TENM2: variants seen among roughly 807,000 people sequenced by gnomAD.
TENM2 encodes teneurin-2.
In TENM2, 52 loss-of-function variants were observed where a neutral mutation model predicts 245.2. That is an observed-to-expected ratio of 0.21 (90% CI 0.17 to 0.27). The LOEUF (loss-of-function observed/expected upper bound fraction) is 0.27. Among genes scored for constraint, TENM2 ranks in the 10% least tolerant of loss-of-function variants. The probability of loss-of-function intolerance (pLI) is 1.00; values close to 1 mark genes in which losing one functional copy is unlikely to be tolerated. For synonymous variants in TENM2, 1,363 were observed against 1,438.9 expected, an observed-to-expected ratio of 0.95 and a Z score of 1.19; for missense variants, 3,046 against 3,666.8, an observed-to-expected ratio of 0.83 and a Z score of 4.37.
At chr5:167,627,716 C>A (rs1778602731) in intron 2 of TENM2, among the ~76,000 whole-genome samples, 1 of 152,022 alleles carries the variant, frequency 6.6e-6, no homozygotes, top group Non-Finnish European at 1.5e-5. Context: ...CACCGCCATG[C>A]CAGGCTAATT....
chr5:167,030,079 C>T, the TENM2 span, among the ~76,000 whole-genome samples: 1 of 152,192 alleles, frequency 6.6e-6, no homozygotes, highest in Non-Finnish European at 1.5e-5. Context: ...GACCAAACAT[C>T]CTAGGTAATC....
chr5:167,392,833 A>G (rs1002515380), intron 2 of TENM2, among the ~76,000 whole-genome samples: 3 of 152,164 alleles, frequency 2.0e-5, no homozygotes, highest in Non-Finnish European at 4.4e-5. Context: ...TTGGGCATCT[A>G]TTGTCTATTA....
At chr5:167,574,731 G>T (rs998970744) in intron 2 of TENM2, among the ~76,000 whole-genome samples, 2 of 152,154 alleles carry the variant, frequency 1.3e-5, no homozygotes, top group Non-Finnish European at 2.9e-5. Context: ...AACCTTTCTG[G>T]ATTCTAAGCG....
intron 1 of TENM2, among the ~76,000 whole-genome samples, chr5:167,348,382 C>A (rs929956220): frequency 1.3e-5 from 2 of 151,974 alleles, no homozygotes; most frequent in African/African-American, 2.4e-5. Flanking sequence ...GCTAATAGAC[C>A]GACTGAGTAG....
At chr5:167,023,935 T>C in the TENM2 span, among the ~76,000 whole-genome samples, 2 of 152,214 alleles carry the variant, frequency 1.3e-5, no homozygotes, top group Admixed American at 1.3e-4. Context: ...TAAGAAGGCT[T>C]GCTAATGGAA....
chr5:168,240,561 G>T (rs1765992042), intron 25 of TENM2, among the ~76,000 whole-genome samples: 1 of 152,156 alleles, frequency 6.6e-6, no homozygotes, highest in South Asian at 2.1e-4. Context: ...CAAGGGCAAT[G>T]CTGAGAATAA....
intron 2 of TENM2, among the ~76,000 whole-genome samples, chr5:167,757,496 G>T (rs1250372629): frequency 6.6e-6 from 1 of 152,082 alleles, no homozygotes; most frequent in African/African-American, 2.4e-5. Context: ...TATCATCGAT[G>T]GGCATTTGGG....
Position 167,403,538 on chromosome 5 carries a change from G to A in TENM2, c.502+28065G>A, listed in dbSNP as rs189640702. ...AGGTCTTCATGCCTTCTACCTGAAC[G>A]TATGGGTCATGGTAGATAGACAGAA... On this transcript the variant is annotated intron_variant, in intron 2 of 28. Transcript: ENST00000518659. Among the ~76,000 whole-genome samples the A allele has an allele frequency of 5.3e-5, 8 of 152,162 alleles. No individual in the cohort carries two copies. In the East Asian group the frequency reaches 7.7e-4, roughly 15 times the overall value.
intron 7 of TENM2, among the ~76,000 whole-genome samples, chr5:168,077,696 C>T (rs928679984): frequency 7.2e-5 from 11 of 152,156 alleles, no homozygotes; most frequent in South Asian, 4.2e-4. Flanking sequence ...TCTGTCCTTG[C>T]GATAGTTTGC....
intron 2 of TENM2, among the ~76,000 whole-genome samples, chr5:167,787,628 C>A (rs941344557): frequency 6.6e-6 from 1 of 152,198 alleles, no homozygotes; most frequent in East Asian, 1.9e-4. Flanking sequence ...AACAAACACC[C>A]TGTCACTGAG....
chr5:167,455,452 G>A (rs1264097091), intron 2 of TENM2, among the ~76,000 whole-genome samples: 1 of 31,276 alleles, frequency 3.2e-5, no homozygotes, highest in Non-Finnish European at 6.4e-5. Flanking sequence ...TGATGTATGT[G>A]TAGTTTTTTT....
chr5:167,405,219 G>T (rs373642463), intron 2 of TENM2, among the ~76,000 whole-genome samples: 2 of 151,580 alleles, frequency 1.3e-5, no homozygotes, highest in Non-Finnish European at 2.9e-5. Flanking sequence ...TTTCCTTATG[G>T]GCTGTTTCTT....
At chr5:167,673,606 T>C (rs921328028) in intron 2 of TENM2, among the ~76,000 whole-genome samples, 3 of 152,132 alleles carry the variant, frequency 2.0e-5, no homozygotes, top group African/African-American at 4.8e-5. Context: ...AGGAGGATAA[T>C]AGTCTGTGAT....
chr5:168,049,748 C>G (rs1257454886), intron 6 of TENM2, among the ~76,000 whole-genome samples: 1 of 152,198 alleles, frequency 6.6e-6, no homozygotes, highest in African/African-American at 2.4e-5. Flanking sequence ...TATAACATTA[C>G]TAGTTCAGAT....
At position 167,569,078 on chromosome 5, in the gene TENM2, C is replaced by CTTTTTTTTT. The variant is rs34311803; in HGVS notation, c.502+193627_502+193635dup. Among the ~76,000 whole-genome samples, 12 of 48,966 alleles carry CTTTTTTTTT rather than the reference C, an allele frequency of 2.5e-4. 2 individuals are homozygous for CTTTTTTTTT. Among genetic ancestry groups the CTTTTTTTTT allele is most frequent in the East Asian group, 1.3e-3 (2 of 1,492 alleles). The allele number at this position is 48,966 out of a possible 152,430, so 32.1% of individuals were successfully genotyped here. On this transcript the variant is annotated intron_variant, in intron 2 of 28. Coordinates refer to ENST00000518659, the Ensembl canonical transcript of TENM2. ...ATCAATGAGTATCACCTTCCTACAGCTTTTTTTTTTTTTTTTTTTTTTTTT... is the reference window on the plus strand; with the variant it reads ...ATCAATGAGTATCACCTTCCTACAGCTTTTTTTTTTTTTTTTTTTTTTTTTTTTTTTTTT...
intron 3 of TENM2, among the ~76,000 whole-genome samples, chr5:167,932,954 T>G (rs1013806663): frequency 6.6e-6 from 1 of 151,968 alleles, no homozygotes; most frequent in African/African-American, 2.4e-5. Flanking sequence ...GGAAAGGGGG[T>G]TCACATCTTT....
At chr5:168,030,017 G>C (rs561111845) in intron 5 of TENM2, among the ~76,000 whole-genome samples, 1 of 152,070 alleles carries the variant, frequency 6.6e-6, no homozygotes, top group Non-Finnish European at 1.5e-5. Flanking sequence ...GAGTTTGGAG[G>C]GGGGCACTGA....
chr5:167,876,303 G>A (rs1773421392), intron 3 of TENM2, 108 bp downstream of exon 5: 1 of 899,182 alleles, frequency 1.1e-6, no homozygotes, highest in African/African-American at 1.6e-5. Flanking sequence ...GGTGGTGTGG[G>A]GAGCATCAGG....
At chr5:167,559,420 G>A (rs1291069829) in intron 2 of TENM2, among the ~76,000 whole-genome samples, 1 of 152,182 alleles carries the variant, frequency 6.6e-6, no homozygotes, top group African/African-American at 2.4e-5. Flanking sequence ...GGGTGAAGAG[G>A]CCACAACCAT....
Sources: allele counts gnomAD v4.1 joint callset (sites outside exome capture counted in the v4.1 genomes callset), GRCh38; gene constraint gnomAD v4.1.1; transcripts MANE v1.5; gene names NCBI Gene and HGNC (gene_info 2026-07-23, HGNC 2026-07-21).